NTM: variants seen among roughly 807,000 people sequenced by gnomAD.
NTM encodes the protein IgLON family member 2.
Under a neutral mutation model 42.1 loss-of-function variants are expected in NTM, and 13 were observed. That is an observed-to-expected ratio of 0.31 (90% CI 0.20 to 0.49). NTM has a LOEUF of 0.49. NTM is among the 20% of genes least tolerant of loss of function. NTM has a pLI of 0.99. For synonymous variants in NTM, 187 were observed against 179.2 expected, an observed-to-expected ratio of 1.04 and a Z score of -0.35; for missense variants, 373 against 452.8, an observed-to-expected ratio of 0.82 and a Z score of 1.60.
At chr11:131,427,845 G>A (rs936950532) in intron 1 of NTM, among the ~76,000 whole-genome samples, 3 of 152,210 alleles carry the variant, frequency 2.0e-5, no homozygotes, top group Non-Finnish European at 4.4e-5. Context: ...CCCCCAGGTC[G>A]CTGTATTCCT....
At chr11:131,972,688 C>T (rs866337632) in intron 2 of NTM, among the ~76,000 whole-genome samples, 32 of 152,152 alleles carry the variant, frequency 2.1e-4, no homozygotes, top group Middle Eastern at 3.2e-3. Context: ...ATGGAACCCC[C>T]GCATAATGTG....
intron 7 of NTM, among the ~76,000 whole-genome samples, chr11:132,324,381 AACAG>A (rs2095635345): frequency 6.7e-6 from 1 of 149,810 alleles, no homozygotes; most frequent in African/African-American, 2.4e-5. Context: ...ATACACCAAC[AACAG>A]ACAAACAGCC....
chr11:132,085,995 G>A (rs1435758200), intron 2 of NTM, among the ~76,000 whole-genome samples: 2 of 152,154 alleles, frequency 1.3e-5, no homozygotes, highest in African/African-American at 4.8e-5. Flanking sequence ...CAGAGCATCA[G>A]AAGTTATCTT....
intron 4 of NTM, among the ~76,000 whole-genome samples, chr11:132,301,470 A>G (rs942875053): frequency 6.6e-6 from 1 of 152,184 alleles, no homozygotes; most frequent in Non-Finnish European, 1.5e-5. Context: ...TGAGACCTCA[A>G]AATCAGTTCC....
At chr11:131,415,225 A>G (rs1946821773) in intron 1 of NTM, among the ~76,000 whole-genome samples, 1 of 152,200 alleles carries the variant, frequency 6.6e-6, no homozygotes, top group Admixed American at 6.5e-5. Flanking sequence ...GCACCTTTCT[A>G]CAAAGAGAAT....
intron 4 of NTM, among the ~76,000 whole-genome samples, chr11:132,260,929 T>C (rs1195449023): frequency 6.6e-6 from 1 of 152,178 alleles, no homozygotes; most frequent in Non-Finnish European, 1.5e-5. Flanking sequence ...TAGACCTACT[T>C]TCTTTAGGAA....
chr11:132,063,733 G>C (rs899470627), intron 2 of NTM, among the ~76,000 whole-genome samples: 8 of 152,194 alleles, frequency 5.3e-5, no homozygotes, highest in Admixed American at 5.2e-4. Flanking sequence ...GAGCAGTAAG[G>C]AATGGACAGA....
intron 1 of NTM, among the ~76,000 whole-genome samples, chr11:131,384,219 G>T (rs1247995017): frequency 6.6e-6 from 1 of 152,114 alleles, no homozygotes; most frequent in Non-Finnish European, 1.5e-5. Flanking sequence ...AGAGAGTAAG[G>T]AATACATAAA....
chr11:131,741,806 G>A (rs962337336), intron 1 of NTM, among the ~76,000 whole-genome samples: 4 of 152,268 alleles, frequency 2.6e-5, no homozygotes, highest in Admixed American at 6.5e-5. Flanking sequence ...GAGGACTGTC[G>A]AAGACACGGA....
intron 2 of NTM, among the ~76,000 whole-genome samples, chr11:132,110,884 T>A (rs2063076117): frequency 6.6e-6 from 1 of 150,668 alleles, no homozygotes; most frequent in Admixed American, 6.6e-5. Flanking sequence ...AAAATAAAAT[T>A]TAAAAAATTT....
intron 1 of NTM, among the ~76,000 whole-genome samples, chr11:131,521,463 T>C (rs965987036): frequency 8.9e-6 from 1 of 112,666 alleles, no homozygotes; most frequent in African/African-American, 3.4e-5. Context: ...TGGAGTGCAG[T>C]GGCGGCGCAA....
chr11:131,819,921 A>G lies in NTM; in HGVS notation c.83-91643A>G, dbSNP rs578185814. ...GGCCGCTACTCCGTCTCTGAATTTC[A>G]CCCAGATAATTGATTTCGGTCTGTT... On this transcript the variant is annotated intron_variant, in intron 1 of 8. Transcript: ENST00000683400. Among the ~76,000 whole-genome samples, 146 of 152,232 alleles carry G rather than the reference A, an allele frequency of 9.6e-4. 1 individual carries two copies. The highest frequency in any genetic ancestry group is 2.8e-3 in the African/African-American group (117 of 41,540).
At chr11:131,798,193 T>C (rs751497027) in intron 1 of NTM, among the ~76,000 whole-genome samples, 1 of 152,196 alleles carries the variant, frequency 6.6e-6, no homozygotes, top group Non-Finnish European at 1.5e-5. Context: ...AGCGTGGTCC[T>C]CATGATCTCC....
intron 1 of NTM, among the ~76,000 whole-genome samples, chr11:131,580,276 G>C (rs2058289360): frequency 6.6e-6 from 1 of 152,204 alleles, no homozygotes; most frequent in South Asian, 2.1e-4. Context: ...CTTTATCACA[G>C]ATTGGACTTC....
chr11:132,125,529 T>C (rs2136989140), intron 2 of NTM, among the ~76,000 whole-genome samples: 1 of 78,080 alleles, frequency 1.3e-5, no homozygotes, highest in Non-Finnish European at 2.8e-5. Flanking sequence ...GTGTGTGGTG[T>C]GTAGTGTGTG....
chr11:132,080,479 G>A (rs1222102692), intron 2 of NTM, among the ~76,000 whole-genome samples: 3 of 152,228 alleles, frequency 2.0e-5, no homozygotes, highest in Non-Finnish European at 4.4e-5. Flanking sequence ...GACAAAGGCA[G>A]CTTCATTCTC....
chr11:131,656,070 C>T (rs749673777), intron 1 of NTM, among the ~76,000 whole-genome samples: 15 of 152,218 alleles, frequency 9.9e-5, no homozygotes, highest in Non-Finnish European at 2.1e-4. Flanking sequence ...ACCAGATCCT[C>T]ATCTGCCATT....
chr11:131,837,696 G>T (rs1045578342), intron 1 of NTM, among the ~76,000 whole-genome samples: 1 of 152,140 alleles, frequency 6.6e-6, no homozygotes, highest in East Asian at 1.9e-4. Flanking sequence ...GGTGGAAAAG[G>T]TTCCTGTGCA....
At chr11:131,664,316 C>G (rs530190228) in intron 1 of NTM, among the ~76,000 whole-genome samples, 1 of 152,356 alleles carries the variant, frequency 6.6e-6, no homozygotes, top group South Asian at 2.1e-4. Flanking sequence ...AAAGGATGCT[C>G]TGACAATATT....
Sources: allele counts gnomAD v4.1 joint callset (sites outside exome capture counted in the v4.1 genomes callset), GRCh38; gene constraint gnomAD v4.1.1; transcripts MANE v1.5; gene names NCBI Gene and HGNC (gene_info 2026-07-23, HGNC 2026-07-21).